The following ZDHHC2 variants were observed in gnomAD, a reference collection of about 807,000 sequenced individuals.
ZDHHC2 encodes the protein zDHHC palmitoyltransferase 2.
Under a neutral mutation model 55.6 loss-of-function variants are expected in ZDHHC2, and 51 were observed. The ratio of observed to expected loss-of-function variants is 0.92; its 90% confidence interval spans 0.73 to 1.16. The LOEUF is 1.16. ZDHHC2 is among the 50% of genes most tolerant of loss of function. The probability of loss-of-function intolerance (pLI) is 0.00; values close to 1 mark genes in which losing one functional copy is unlikely to be tolerated. For missense variants in ZDHHC2, 491 were observed against 442.4 expected, an observed-to-expected ratio of 1.11 and a Z score of -0.99; for synonymous variants, 199 against 152.9, an observed-to-expected ratio of 1.30 and a Z score of -2.22.
chr8:17,198,704 T>C (rs1806453665), intron 6 of ZDHHC2, among the ~76,000 whole-genome samples: 1 of 152,192 alleles, frequency 6.6e-6, no homozygotes, highest in Non-Finnish European at 1.5e-5. Flanking sequence ...GATTCCAGAA[T>C]ACTTCACAGA....
At chr8:17,189,617 A>G (rs1805916355) in intron 3 of ZDHHC2, among the ~76,000 whole-genome samples, 1 of 152,236 alleles carries the variant, frequency 6.6e-6, no homozygotes, top group African/African-American at 2.4e-5. Context: ...CTAAAATTAT[A>G]TATGACATCA....
Position 17,212,234 on chromosome 8 carries a change from CTCT to C in ZDHHC2, c.950+1759_950+1761del, listed in dbSNP as rs374559528. Among the ~76,000 whole-genome samples, 596 of 152,254 alleles carry C rather than the reference CTCT, an allele frequency of 3.9e-3. 8 individuals carry two copies. The highest frequency in any genetic ancestry group is 0.014 in the African/African-American group (573 of 41,542). On this transcript the variant is annotated intron_variant, in intron 10 of 12. Coordinates refer to ENST00000262096, the MANE Select transcript of ZDHHC2 (RefSeq NM_016353.5). ...TAAAATTTTCGTGGCAAGTTCTGTTCTCTTCTTTACTCCAGAGTTGAATATCTT... is the reference window on the plus strand; with the variant it reads ...TAAAATTTTCGTGGCAAGTTCTGTTCTCTTTACTCCAGAGTTGAATATCTT...
intron 3 of ZDHHC2, among the ~76,000 whole-genome samples, chr8:17,187,384 T>TATTA (rs916867894): frequency 9.2e-5 from 14 of 152,106 alleles, no homozygotes; most frequent in African/African-American, 3.1e-4. Flanking sequence ...CTAACTCTAA[T>TATTA]AACAGTGTAG....
chr8:17,173,733 A>G (rs958218280), intron 1 of ZDHHC2, among the ~76,000 whole-genome samples: 2 of 152,046 alleles, frequency 1.3e-5, no homozygotes, highest in Admixed American at 1.3e-4. Context: ...AATCCCTGGC[A>G]TAGAGAGCAT....
intron 12 of ZDHHC2, among the ~76,000 whole-genome samples, chr8:17,218,540 A>G (rs1051465497): frequency 1.3e-5 from 2 of 152,202 alleles, no homozygotes; most frequent in African/African-American, 4.8e-5. Flanking sequence ...CAGTATTTTG[A>G]CAATACCAGT....
At chr8:17,214,263 T>C (rs1807532571) in intron 10 of ZDHHC2, among the ~76,000 whole-genome samples, 1 of 152,196 alleles carries the variant, frequency 6.6e-6, no homozygotes, top group African/African-American at 2.4e-5. Flanking sequence ...AAAATTCTTC[T>C]TAGAAGACTG....
Position 17,223,578 on chromosome 8 carries a change from G to C in ZDHHC2, c.*3357G>C, listed in dbSNP as rs954967640. On this transcript the variant is annotated 3_prime_UTR_variant, in exon 13 of 13. Transcript: ENST00000262096. ...TGGAAGGAGACTATGTTACATACCTGAAGTATTACTCTTTTACAAAGATAC... is the reference window on the plus strand; with the variant it reads ...TGGAAGGAGACTATGTTACATACCTCAAGTATTACTCTTTTACAAAGATAC... 2 of 151,790 alleles carry C rather than the reference G, an allele frequency of 1.3e-5. No homozygotes were observed. The highest frequency in any genetic ancestry group is 4.8e-5 in the African/African-American group (2 of 41,406). 9.4% of individuals were successfully genotyped at this position (151,790 alleles called of 1,614,324 possible). A position where few individuals can be genotyped will look rare whatever the true frequency, so the allele number is the denominator to read the frequency against.
At chr8:17,197,223 GATAA>G (rs1806363562) in intron 4 of ZDHHC2, among the ~76,000 whole-genome samples, 1 of 152,052 alleles carries the variant, frequency 6.6e-6, no homozygotes, top group Non-Finnish European at 1.5e-5. Flanking sequence ...AACTTTTTTT[GATAA>G]ATAACAGGGT....
At chr8:17,206,205 T>C (rs1807095860) in intron 7 of ZDHHC2, among the ~76,000 whole-genome samples, 1 of 152,240 alleles carries the variant, frequency 6.6e-6, no homozygotes. Context: ...TGTGGTCTAA[T>C]GTTTCTAAAC....
At chr8:17,193,907 T>C (rs1464407646) in intron 3 of ZDHHC2, among the ~76,000 whole-genome samples, 1 of 152,198 alleles carries the variant, frequency 6.6e-6, no homozygotes, top group Non-Finnish European at 1.5e-5. Context: ...ATCCTAGTGC[T>C]GTCCCTCCCC....
intron 1 of ZDHHC2, among the ~76,000 whole-genome samples, chr8:17,175,354 T>C (rs1308633349): frequency 6.6e-6 from 1 of 152,204 alleles, no homozygotes; most frequent in African/African-American, 2.4e-5. Flanking sequence ...TTGTAATTTA[T>C]TTGCATTTTT....
intron 1 of ZDHHC2, among the ~76,000 whole-genome samples, chr8:17,168,534 T>C (rs1804711967): frequency 6.6e-6 from 1 of 152,210 alleles, no homozygotes; most frequent in African/African-American, 2.4e-5. Flanking sequence ...TTTTTAAGTA[T>C]ACAGATTAGT....
At chr8:17,164,097 G>A (rs1441677720) in intron 1 of ZDHHC2, among the ~76,000 whole-genome samples, 1 of 152,154 alleles carries the variant, frequency 6.6e-6, no homozygotes, top group African/African-American at 2.4e-5. Context: ...TAGGATAGCT[G>A]TAAAGAAACC....
chr8:17,159,217 C>G (rs937084884), intron 1 of ZDHHC2, among the ~76,000 whole-genome samples: 5 of 152,212 alleles, frequency 3.3e-5, no homozygotes, highest in African/African-American at 1.2e-4. Context: ...CCACCCTACC[C>G]CCAGTATTAA....
At chr8:17,186,629 C>A (rs943708424) in intron 3 of ZDHHC2, among the ~76,000 whole-genome samples, 2 of 152,094 alleles carry the variant, frequency 1.3e-5, no homozygotes, top group East Asian at 1.9e-4. Flanking sequence ...ACTGCATTTT[C>A]TGTATTGAAT....
chr8:17,172,575 T>G (rs990872171), intron 1 of ZDHHC2, among the ~76,000 whole-genome samples: 9 of 152,208 alleles, frequency 5.9e-5, no homozygotes, highest in African/African-American at 1.9e-4. Flanking sequence ...AGAGAGTAGA[T>G]CTCAAGTCTT....
chr8:17,195,735 C>A, intron 4 of ZDHHC2, 111 bp downstream of exon 4: 1 of 1,408,204 alleles, frequency 7.1e-7, no homozygotes. Flanking sequence ...TTTCAGAATG[C>A]TGTGTTATTT....
intron 6 of ZDHHC2, among the ~76,000 whole-genome samples, chr8:17,204,090 G>A (rs1233577370): frequency 2.0e-5 from 3 of 152,164 alleles, no homozygotes; most frequent in African/African-American, 7.2e-5. Context: ...ACAGGTGTGA[G>A]CCACCACGCC....
intron 1 of ZDHHC2, among the ~76,000 whole-genome samples, chr8:17,158,893 A>G (rs886490874): frequency 3.9e-5 from 6 of 152,208 alleles, no homozygotes; most frequent in Non-Finnish European, 8.8e-5. Flanking sequence ...TAAACAAATA[A>G]ATGATTCAGA....
Sources: allele counts gnomAD v4.1 joint callset (sites outside exome capture counted in the v4.1 genomes callset), GRCh38; gene constraint gnomAD v4.1.1; transcripts MANE v1.5; gene names NCBI Gene and HGNC (gene_info 2026-07-23, HGNC 2026-07-21).